GAK: variants seen among roughly 807,000 people sequenced by gnomAD.
GAK encodes the protein cyclin G associated kinase.
In GAK, 79 loss-of-function variants were observed where a neutral mutation model predicts 143.9. The observed-to-expected ratio is 0.55, with a 90% confidence interval of 0.46 to 0.66. The LOEUF (loss-of-function observed/expected upper bound fraction) is 0.66, where lower values mean the gene tolerates loss of function less well. Ranked by LOEUF, GAK falls within the 30% of genes least tolerant of loss-of-function variation. GAK has a pLI of 0.00. For missense variants in GAK, 1,693 were observed against 1,779.7 expected, an observed-to-expected ratio of 0.95 and a Z score of 0.88; for synonymous variants, 881 against 765.5, an observed-to-expected ratio of 1.15 and a Z score of -2.49.
At position 849,745 on chromosome 4, in the gene GAK, G is replaced by T; in HGVS notation, c.3864C>A (p.Ala1288=). Residue 1288 remains alanine (A), a synonymous_variant, in exon 28 of 28, where the codon GCC becomes GCA. Coordinates refer to ENST00000314167, the MANE Select transcript of GAK (RefSeq NM_005255.4). ...KAAGQPYEQH[A]KMIFMELNDA... Reference sequence around the variant, plus strand: ...CATTCAGCTCCATGAAGATCATCTTGGCGTGCTGCTCGTACGGCTGCCCCG... The same window carrying T: ...CATTCAGCTCCATGAAGATCATCTTTGCGTGCTGCTCGTACGGCTGCCCCG... 6.2e-7 allele frequency: 1 copy of T among 1,613,466 alleles called. No individual in the cohort carries two copies. The highest frequency in any genetic ancestry group is 8.5e-7 in the Non-Finnish European group (1 of 1,179,706).
chr4:875,713 C>T (rs1320464961), intron 18 of GAK, among the ~76,000 whole-genome samples: 1 of 152,234 alleles, frequency 6.6e-6, no homozygotes, highest in African/African-American at 2.4e-5. Flanking sequence ...GAGGCCGAGG[C>T]AGGTGGATCA....
At chr4:901,293 C>T (rs1487184964) in intron 5 of GAK, among the ~76,000 whole-genome samples, 1 of 152,092 alleles carries the variant, frequency 6.6e-6, no homozygotes, top group East Asian at 1.9e-4. Context: ...GGCCTTGGAT[C>T]CCCCACCCAG....
intron 23 of GAK, among the ~76,000 whole-genome samples, chr4:862,246 G>A (rs150048742): frequency 0.035 from 5,226 of 149,932 alleles, 180 homozygotes; most frequent in East Asian, 0.19. Flanking sequence ...GCACCCGCCA[G>A]ACTCTCCATG....
chr4:852,042 G>A lies in GAK; in HGVS notation c.3284-68C>T, dbSNP rs774422172. On this transcript the variant is annotated intron_variant, in intron 24 of 27. Coordinates refer to ENST00000314167, the MANE Select transcript of GAK (RefSeq NM_005255.4). ...GAGGGGCAACTACTGTTTCTATAACGCAGAGCACCACGTATATTGGAAAAC... is the reference window on the plus strand; with the variant it reads ...GAGGGGCAACTACTGTTTCTATAACACAGAGCACCACGTATATTGGAAAAC... The A allele has an allele frequency of 1.2e-4, 150 of 1,292,642 alleles. 1 individual carries two copies. In the African/African-American group the frequency reaches 1.9e-3, roughly 16 times the overall value. 80.1% of individuals were successfully genotyped at this position (1,292,642 alleles called of 1,614,324 possible).
At chr4:895,006 TAAATAAATA>T (rs148375571) in intron 7 of GAK, among the ~76,000 whole-genome samples, 15,607 of 95,034 alleles carry the variant, frequency 0.16, 981 homozygotes, top group South Asian at 0.37. Flanking sequence ...AATAAATAAA[TAAATAAATA>T]AAGGTTCCTT....
At chr4:859,774 A>C in intron 23 of GAK, 52 bp from the exon 24 acceptor site, 1 of 1,326,954 alleles carries the variant, frequency 7.5e-7, no homozygotes, top group Non-Finnish European at 1.1e-6. Flanking sequence ...AGCGAAACAC[A>C]TCCTCCTGGG....
intron 18 of GAK, among the ~76,000 whole-genome samples, chr4:873,243 T>C (rs1356981572): frequency 6.6e-6 from 1 of 152,236 alleles, no homozygotes; most frequent in Non-Finnish European, 1.5e-5. Context: ...GTATTTTGAT[T>C]ATCAATGTGT....
chr4:873,419 C>T (rs551993099), intron 18 of GAK, among the ~76,000 whole-genome samples: 27 of 152,096 alleles, frequency 1.8e-4, no homozygotes, highest in South Asian at 2.1e-4. Flanking sequence ...CTTTAATAAA[C>T]GCCCACTTGA....
At chr4:859,086 A>C in intron 24 of GAK, 2 of 808,036 alleles carry the variant, frequency 2.5e-6, no homozygotes, top group Non-Finnish European at 1.5e-6. Context: ...CCAGAGACCC[A>C]GGGGCATCAG....
chr4:890,745 A>G (rs1264663099), intron 9 of GAK, 123 bp from the exon 10 acceptor site: 2 of 697,606 alleles, frequency 2.9e-6, no homozygotes, highest in Non-Finnish European at 4.8e-6. Flanking sequence ...TCTATGACAC[A>G]GTGCAAGGGA....
rs150101958 is a variant in GAK at position 882,432 on chromosome 4, G to A, written c.1527+265C>T. Reference sequence around the variant, plus strand: ...CTCTTAGGTGGCCACCGAGCAGGAGGGGAGGTGGGCTCCCCACACAGCGGA... The same window carrying A: ...CTCTTAGGTGGCCACCGAGCAGGAGAGGAGGTGGGCTCCCCACACAGCGGA... On this transcript the variant is annotated intron_variant, in intron 14 of 27. Coordinates refer to ENST00000314167, the MANE Select transcript of GAK (RefSeq NM_005255.4). Among the ~76,000 whole-genome samples the A allele has an allele frequency of 6.0e-4, 92 of 152,328 alleles. No homozygotes were observed. The East Asian group carries it at 0.013, about 21-fold the overall frequency.
At chr4:880,527 CCA>C (rs3836588) in intron 15 of GAK, among the ~76,000 whole-genome samples, 6,258 of 152,294 alleles carry the variant, frequency 0.041, 150 homozygotes, top group East Asian at 0.094. Flanking sequence ...CTGTGGGTGC[CCA>C]CAGAGACTGT....
intron 5 of GAK, among the ~76,000 whole-genome samples, chr4:901,029 C>A (rs1719769421): frequency 6.6e-6 from 1 of 152,048 alleles, no homozygotes; most frequent in South Asian, 2.1e-4. Context: ...GTTCAGGGGA[C>A]AAACGAAAAA....
In GAK at chr4:870,767, T is replaced by G. The variant is rs760927506; in HGVS notation, c.2192A>C (p.Asn731Thr). Residue 731 changes from asparagine to threonine, a missense_variant, in exon 19 of 28, where the codon AAC (asparagine) becomes ACC (threonine). Physicochemically the swap from Asn to Thr is moderately conservative, Grantham distance 65. Transcript: ENST00000314167. ...CCGGCTGGAAAACAGGATTTTGGGG[T>G]TCAGCCCCCTCATGCTCGAGTTCTC... Reference protein sequence around the residue: ...PWENSSMRGLNPKILFSSREE... With the variant: ...PWENSSMRGLTPKILFSSREE... 6.2e-7 allele frequency: 1 copy of G among 1,614,036 alleles called. No individual in the cohort carries two copies. The highest frequency in any genetic ancestry group is 8.5e-7 in the Non-Finnish European group (1 of 1,179,988).
intron 5 of GAK, among the ~76,000 whole-genome samples, chr4:899,226 G>A (rs1259461577): frequency 6.6e-6 from 1 of 152,210 alleles, no homozygotes; most frequent in African/African-American, 2.4e-5. Flanking sequence ...CAGATCTTTC[G>A]GAAGATGGCC....
chr4:852,596 C>G (rs922221190), intron 24 of GAK: 1 of 153,932 alleles, frequency 6.5e-6, no homozygotes, highest in Non-Finnish European at 1.4e-5. Flanking sequence ...CCCACCACCA[C>G]GCACGGTTAA....
rs367691274 is a variant in GAK, at chr4:851,871, G to T, written c.3387C>A (p.Ala1129=). The change falls in exon 25 of 28, where the codon GCC becomes GCA. Residue 1129 remains alanine, a synonymous_variant. Transcript: ENST00000314167. Reference sequence around the variant, plus strand: ...GCGGCTTGGCCTGAGGGGGCCATGAGGCGCCCTGGGCTGGCGGCCGACTTG... The same window carrying T: ...GCGGCTTGGCCTGAGGGGGCCATGATGCGCCCTGGGCTGGCGGCCGACTTG... ...WQTSRPPAQG[A]SWPPQAKPPP... is the part of the protein sequence containing the mutation. 2 of 1,609,032 alleles carry T rather than the reference G, an allele frequency of 1.2e-6. No homozygotes were observed. Among genetic ancestry groups the T allele is most frequent in the African/African-American group, 2.7e-5 (2 of 74,808 alleles).
intron 10 of GAK, among the ~76,000 whole-genome samples, chr4:889,288 A>T (rs1432440372): frequency 6.6e-6 from 1 of 152,244 alleles, no homozygotes; most frequent in South Asian, 2.1e-4. Context: ...GCCTCAGCAC[A>T]GCTGGGGCTG....
chr4:851,888 G>T lies in GAK; in HGVS notation c.3370C>A (p.Pro1124Thr). Residue 1124 changes from proline (P) to threonine (T), a missense_variant, in exon 25 of 28, where the codon CCG (proline) becomes ACG (threonine). This residue lies in a region of GAK where 822 missense variants were observed against 788.7 expected (regional missense o/e 1.04). Coordinates refer to ENST00000314167, the MANE Select transcript of GAK (RefSeq NM_005255.4). ...GGCCATGAGGCGCCCTGGGCTGGCG[G>T]CCGACTTGTCTGCCAGGAGCTGCTG... Reference protein sequence around the residue: ...KGSSSWQTSRPPAQGASWPPQ... With the variant: ...KGSSSWQTSRTPAQGASWPPQ... 6.2e-7 allele frequency: 1 copy of T among 1,611,258 alleles called. No homozygotes were observed. Among genetic ancestry groups the T allele is most frequent in the Non-Finnish European group, 8.5e-7 (1 of 1,178,138 alleles).
Sources: gnomAD v4.1 joint callset for allele counts (sites outside exome capture counted in the v4.1 genomes callset) on GRCh38, gnomAD v4.1.1 for gene constraint, gnomAD v4.1.1 regional missense constraint, MANE v1.5 for transcripts, NCBI Gene and HGNC (gene_info 2026-07-23, HGNC 2026-07-21) for gene names.